Variants in ITPR1 observed in about 807,000 individuals in gnomAD.
ITPR1 encodes inositol 1,4,5-trisphosphate-gated calcium channel ITPR1.
A neutral mutation model predicts 318.4 loss-of-function variants in ITPR1; 96 were observed. The ratio of observed to expected loss-of-function variants is 0.30; its 90% CI spans 0.26 to 0.36. ITPR1 has a LOEUF of 0.36. Among genes scored for constraint, ITPR1 ranks in the 10% least tolerant of loss-of-function variants. The pLI is 1.00. For missense variants in ITPR1, 2,440 were observed against 3,460.2 expected, an observed-to-expected ratio of 0.71 and a Z score of 7.40; for synonymous variants, 1,312 against 1,289.9, an observed-to-expected ratio of 1.02 and a Z score of -0.37.
rs537578426 is a variant in ITPR1 at position 4,808,840 on chromosome 3, G to A, written c.7273-2425G>A. 5.9e-5 allele frequency among the ~76,000 whole-genome samples: 9 copies of A among 152,192 alleles called. No homozygotes were observed. The South Asian group carries it at 1.9e-3, about 32-fold the overall frequency. On this transcript the variant is annotated intron_variant, in intron 55 of 61. Coordinates refer to ENST00000649015, the MANE Select transcript of ITPR1 (RefSeq NM_001378452.1). ...CGGAAGGTAGGGAGGGTGATCTGGT[G>A]GCCTAATTAAACTGCTGCCCCCCCT... is the stretch of plus-strand genomic sequence containing the variant.
intron 4 of ITPR1, among the ~76,000 whole-genome samples, chr3:4,554,625 C>T (rs2085937909): frequency 1.3e-5 from 2 of 152,096 alleles, no homozygotes; most frequent in Middle Eastern, 3.4e-3. Context: ...TTACATCAAC[C>T]CCCTGAGAGA....
chr3:4,693,240 G>T (rs1319777081), intron 32 of ITPR1, among the ~76,000 whole-genome samples: 2 of 152,216 alleles, frequency 1.3e-5, no homozygotes, highest in Non-Finnish European at 2.9e-5. Flanking sequence ...ATTAATGCTG[G>T]TATGCAGGCT....
At chr3:4,649,600 A>T (rs2093549414) in intron 10 of ITPR1, among the ~76,000 whole-genome samples, 2 of 152,224 alleles carry the variant, frequency 1.3e-5, no homozygotes, top group Non-Finnish European at 2.9e-5. Flanking sequence ...ATATAAACAG[A>T]ATCCTATCAT....
rs191923631 is a variant in ITPR1 at position 4,628,299 on chromosome 3, A to T, written c.279+421A>T. Among the ~76,000 whole-genome samples, 649 of 152,320 alleles carry T rather than the reference A, an allele frequency of 4.3e-3. 2 individuals carry two copies. Among genetic ancestry groups the T allele is most frequent in the African/African-American group, 0.015 (616 of 41,578 alleles). ...GGAGGTCATTGTGAGGATTACAGAA[A>T]ATGAGACATAAAAGCCACATGAATG... On this transcript the variant is annotated intron_variant, in intron 5 of 61. Coordinates refer to ENST00000649015, the MANE Select transcript of ITPR1 (RefSeq NM_001378452.1).
Position 4,710,203 on chromosome 3 carries a change from A to G in ITPR1, c.4843-122A>G. 2.3e-6 allele frequency: 2 copies of G among 869,886 alleles called. No individual in the cohort carries two copies. The highest frequency in any genetic ancestry group is 3.0e-5 in the East Asian group (1 of 33,874). The allele number at this position is 869,886 out of a possible 1,614,324, so 53.9% of individuals were successfully genotyped here. ...CTAATAATTTGAGATGCCAGACGGT[A>G]CTAAAGTTACTCTAACCTAGCCTAC... On this transcript the variant is annotated intron_variant, in intron 37 of 61. Coordinates refer to ENST00000649015, the MANE Select transcript of ITPR1 (RefSeq NM_001378452.1). The surrounding 1 kb of genome is among the most constrained non-coding windows in gnomAD (Gnocchi z 4.2).
chr3:4,717,736 A>G (rs1265325517), intron 40 of ITPR1, among the ~76,000 whole-genome samples: 1 of 152,230 alleles, frequency 6.6e-6, no homozygotes, highest in African/African-American at 2.4e-5. Flanking sequence ...AATTGGCCTA[A>G]AGAACTTCTC....
chr3:4,516,612 C>T (rs73807272), intron 3 of ITPR1, 29 bp downstream of exon 3: 19 of 1,393,278 alleles, frequency 1.4e-5, no homozygotes, highest in African/African-American at 7.2e-5. Context: ...TTGTGTGGCA[C>T]GGTTTGTTTA....
Position 4,694,808 on chromosome 3 carries a change from C to A in ITPR1, c.4281+1067C>A, listed in dbSNP as rs565193470. Among the ~76,000 whole-genome samples, 74 of 152,338 alleles carry A rather than the reference C, an allele frequency of 4.9e-4. 1 individual carries two copies. The highest frequency in any genetic ancestry group is 1.7e-3 in the African/African-American group (69 of 41,576). On this transcript the variant is annotated intron_variant, in intron 33 of 61. Transcript: ENST00000649015. The stretch of plus-strand genomic sequence containing the variant: ...TCATTAGTCAGTACCTGACCATACT[C>A]TTTGAAAAGTTCAAATATCAAAGAC...
intron 37 of ITPR1, among the ~76,000 whole-genome samples, chr3:4,707,262 G>C (rs919903959): frequency 1.2e-4 from 19 of 152,170 alleles, no homozygotes; most frequent in Admixed American, 1.1e-3. Flanking sequence ...AGGTTGACTG[G>C]GCTCCGCTAG....
intron 44 of ITPR1, among the ~76,000 whole-genome samples, chr3:4,753,189 G>A (rs919162687): frequency 5.3e-5 from 8 of 152,152 alleles, no homozygotes; most frequent in African/African-American, 1.2e-4. Flanking sequence ...CATGGTGGTC[G>A]GTCAGGGGCA....
At chr3:4,662,049 A>G (rs886292062) in intron 14 of ITPR1, 33 bp from the exon 15 acceptor site, 6 of 1,593,952 alleles carry the variant, frequency 3.8e-6, no homozygotes, top group Admixed American at 3.4e-5. Flanking sequence ...CCCATCCAAG[A>G]GATTATCTCA....
chr3:4,814,238 A>G, intron 57 of ITPR1, 185 bp from the exon 58 acceptor site: 1 of 647,884 alleles, frequency 1.5e-6, no homozygotes, highest in Non-Finnish European at 2.7e-6. Context: ...GGGGTTAGCG[A>G]TGAAAACAGT....
At chr3:4,704,360 C>T (rs1017332620) in intron 36 of ITPR1, among the ~76,000 whole-genome samples, 2 of 152,188 alleles carry the variant, frequency 1.3e-5, no homozygotes, top group Admixed American at 1.3e-4. Flanking sequence ...TGCGGTGAGC[C>T]GAGATCACGC....
intron 2 of ITPR1, among the ~76,000 whole-genome samples, chr3:4,505,300 C>G (rs564765202): frequency 1.3e-5 from 2 of 152,298 alleles, no homozygotes; most frequent in South Asian, 4.1e-4. Context: ...TCATGCGATT[C>G]TCCTGCCTTG....
rs1410482817 is a variant in ITPR1, at chr3:4,743,594, C to A, written c.5544+8240C>A. On this transcript the variant is annotated intron_variant, in intron 44 of 61. Transcript: ENST00000649015. Reference sequence around the variant, plus strand: ...TGAGGTGGTCCCAGGGGAGAATGTGCATCCTGGTTCATGCTTCCAGAGGAG... The same window carrying A: ...TGAGGTGGTCCCAGGGGAGAATGTGAATCCTGGTTCATGCTTCCAGAGGAG... Among the ~76,000 whole-genome samples the A allele has an allele frequency of 2.0e-5, 3 of 152,298 alleles. No individual in the cohort carries two copies. The East Asian group carries it at 5.8e-4, about 29-fold the overall frequency.
intron 4 of ITPR1, among the ~76,000 whole-genome samples, chr3:4,558,215 CTGATA>C (rs1320133046): frequency 6.6e-6 from 1 of 152,130 alleles, no homozygotes; most frequent in Middle Eastern, 3.4e-3. Flanking sequence ...AATAGAATGC[CTGATA>C]TGATGAAGAG....
chr3:4,507,664 T>C (rs1384668957), intron 2 of ITPR1, among the ~76,000 whole-genome samples: 1 of 152,208 alleles, frequency 6.6e-6, no homozygotes, highest in Non-Finnish European at 1.5e-5. Flanking sequence ...ATTAAAAAAT[T>C]ATAAAGCATA....
At position 4,813,149 on chromosome 3, in the gene ITPR1, C is replaced by A. The variant is rs369181276; in HGVS notation, c.7476C>A (p.Gly2492=). 54 of 1,613,560 alleles carry A rather than the reference C, an allele frequency of 3.3e-5. No homozygotes were observed. Among genetic ancestry groups the A allele is most frequent in the Non-Finnish European group, 3.8e-5 (45 of 1,179,684 alleles). The change falls in exon 57 of 62, where the codon GGC becomes GGA. Residue 2492 remains glycine (G), a synonymous_variant. Coordinates refer to ENST00000649015, the MANE Select transcript of ITPR1 (RefSeq NM_001378452.1). The part of the protein sequence containing the change: ...LPNETAVPET[G]ESLASEFLFS... ...TTTCCTTCTCTCTCCCAGAAACCGGCGAGAGTTTGGCAAGCGAGTTCCTGT... is the reference window on the plus strand; with the variant it reads ...TTTCCTTCTCTCTCCCAGAAACCGGAGAGAGTTTGGCAAGCGAGTTCCTGT...
intron 4 of ITPR1, among the ~76,000 whole-genome samples, chr3:4,526,088 T>C (rs1049054559): frequency 1.1e-4 from 16 of 152,236 alleles, no homozygotes; most frequent in African/African-American, 3.9e-4. Flanking sequence ...CAAAACCTAA[T>C]CTTCTCTGTT....
Sources: allele counts gnomAD v4.1 joint callset (sites outside exome capture counted in the v4.1 genomes callset), GRCh38; gene constraint gnomAD v4.1.1; non-coding constraint Gnocchi (gnomAD v3.1); transcripts MANE v1.5; gene names NCBI Gene and HGNC (gene_info 2026-07-23, HGNC 2026-07-21).